Variants in SLC8A1 observed in about 807,000 individuals in gnomAD.
SLC8A1 encodes the protein solute carrier family 8 member A1, also known as sodium/calcium exchanger 1.
In SLC8A1, 18 loss-of-function variants were observed where a neutral mutation model predicts 68.3. The observed-to-expected ratio is 0.26, with a 90% CI of 0.18 to 0.39. The LOEUF (loss-of-function observed/expected upper bound fraction) is 0.39, where lower values mean the gene tolerates loss of function less well. Ranked by LOEUF, SLC8A1 falls within the 10% of genes least tolerant of loss-of-function variation. The pLI is 1.00. For missense variants in SLC8A1, 985 were observed against 1,156.7 expected (o/e 0.85, Z 2.15); for synonymous variants, 475 against 415.5 (o/e 1.14, Z -1.74).
chr2:40,419,764 T>C (rs984606067), intron 2 of SLC8A1, among the ~76,000 whole-genome samples: 6 of 152,296 alleles, frequency 3.9e-5, no homozygotes, highest in African/African-American at 1.4e-4. Flanking sequence ...TAGGACTTAA[T>C]TTTGCGTTCC....
chr2:40,362,167 T>C (rs891472762), intron 2 of SLC8A1, among the ~76,000 whole-genome samples: 10 of 151,968 alleles, frequency 6.6e-5, no homozygotes, highest in Non-Finnish European at 1.5e-4. Flanking sequence ...AGTGCTGGGA[T>C]TACAGTAATG....
At position 40,368,949 on chromosome 2, in the gene SLC8A1, ACTC is replaced by A. The variant is rs1677122563; in HGVS notation, c.1808+59521_1808+59523del. Among the ~76,000 whole-genome samples the A allele has an allele frequency of 1.7e-4, 3 of 17,974 alleles. No individual in the cohort carries two copies. In the African/African-American group the frequency reaches 2.7e-3, roughly 16 times the overall value. 11.8% of individuals were successfully genotyped at this position (17,974 alleles called of 152,430 possible). A position where few individuals can be genotyped will look rare whatever the true frequency, so the allele number is the denominator to read the frequency against. On this transcript the variant is annotated intron_variant, in intron 2 of 7. Transcript: ENST00000406785. Reference sequence around the variant, plus strand: ...AACAGCAGTGAGAAAATAATTCCTTACTCAATCAATTGTGCTGGGATAACTGGC... The same window carrying A: ...AACAGCAGTGAGAAAATAATTCCTTAAATCAATTGTGCTGGGATAACTGGC...
intron 2 of SLC8A1, among the ~76,000 whole-genome samples, chr2:40,204,756 C>T (rs1262588577): frequency 6.6e-6 from 1 of 151,866 alleles, no homozygotes; most frequent in Non-Finnish European, 1.5e-5. Context: ...TCAATATATC[C>T]AACATATCAT....
exon 8 of SLC8A1, chr2:40,098,878 A>T (rs2033728667): frequency 6.6e-6 from 1 of 152,050 alleles, no homozygotes; most frequent in Non-Finnish European, 1.5e-5. Flanking sequence ...CATTTTACAG[A>T]TCATTAAACA....
intron 2 of SLC8A1, among the ~76,000 whole-genome samples, chr2:40,259,529 G>T (rs536040863): frequency 6.6e-6 from 1 of 152,098 alleles, no homozygotes; most frequent in African/African-American, 2.4e-5. Context: ...TGCCCAGGCT[G>T]GAGCACAGTG....
intron 2 of SLC8A1, among the ~76,000 whole-genome samples, chr2:40,331,292 G>C (rs75882171): frequency 7.6e-4 from 115 of 152,294 alleles, no homozygotes; most frequent in Admixed American, 1.2e-3. Context: ...AGGCTAGAAA[G>C]TGAAAAGTCT....
intron 2 of SLC8A1, among the ~76,000 whole-genome samples, chr2:40,372,296 G>A (rs759875459): frequency 2.6e-4 from 40 of 152,098 alleles, no homozygotes; most frequent in Non-Finnish European, 1.8e-4. Context: ...CCCAGTTGCT[G>A]TGTCTCTTAA....
intron 2 of SLC8A1, among the ~76,000 whole-genome samples, chr2:40,373,963 G>A (rs560355824): frequency 1.2e-4 from 19 of 152,196 alleles, no homozygotes; most frequent in African/African-American, 4.3e-4. Flanking sequence ...ATAAATTCAC[G>A]TGCTCTTCTC....
At chr2:40,280,539 A>G (rs1484937048) in intron 2 of SLC8A1, among the ~76,000 whole-genome samples, 1 of 152,224 alleles carries the variant, frequency 6.6e-6, no homozygotes, top group African/African-American at 2.4e-5. Flanking sequence ...CAATACCATC[A>G]TGCTAAATTA....
At chr2:40,221,892 A>G (rs2058375374) in intron 2 of SLC8A1, among the ~76,000 whole-genome samples, 1 of 152,232 alleles carries the variant, frequency 6.6e-6, no homozygotes, top group South Asian at 2.1e-4. Flanking sequence ...ATGGAAAAGC[A>G]TTCCATGCTC....
intron 2 of SLC8A1, among the ~76,000 whole-genome samples, chr2:40,347,052 A>C (rs1163274362): frequency 6.6e-6 from 1 of 152,192 alleles, no homozygotes; most frequent in Non-Finnish European, 1.5e-5. Context: ...CTTCCATAGC[A>C]CCAAGGCAAT....
intron 2 of SLC8A1, among the ~76,000 whole-genome samples, chr2:40,266,394 A>G (rs374189495): frequency 5.3e-5 from 8 of 152,244 alleles, no homozygotes; most frequent in Admixed American, 2.0e-4. Flanking sequence ...ATAATTTGAT[A>G]AGGACAGGTA....
intron 2 of SLC8A1, among the ~76,000 whole-genome samples, chr2:40,282,322 A>T (rs970522379): frequency 2.0e-5 from 3 of 152,182 alleles, no homozygotes; most frequent in Non-Finnish European, 4.4e-5. Flanking sequence ...CACAAAACAC[A>T]ATAAAAAGAA....
chr2:40,460,177 G>A (rs1042012531), intron 1 of SLC8A1, among the ~76,000 whole-genome samples: 1 of 152,138 alleles, frequency 6.6e-6, no homozygotes, highest in Non-Finnish European at 1.5e-5. Flanking sequence ...TATGAATTAT[G>A]TATCTCATGG....
chr2:40,372,653 T>G (rs548128919), intron 2 of SLC8A1, among the ~76,000 whole-genome samples: 1 of 152,286 alleles, frequency 6.6e-6, no homozygotes, highest in South Asian at 2.1e-4. Flanking sequence ...TTGAAAGTAT[T>G]CAACTATTCT....
intron 2 of SLC8A1, among the ~76,000 whole-genome samples, chr2:40,420,459 A>G (rs918675217): frequency 6.6e-6 from 1 of 152,208 alleles, no homozygotes; most frequent in Non-Finnish European, 1.5e-5. Context: ...ACAGCGCCAA[A>G]GCAGGCAATG....
chr2:40,366,830 G>T (rs747012112), intron 2 of SLC8A1, among the ~76,000 whole-genome samples: 1 of 151,550 alleles, frequency 6.6e-6, no homozygotes, highest in African/African-American at 2.4e-5. Context: ...ACATTTTATG[G>T]ATATTTTGCC....
chr2:40,340,143 C>T (rs190147992), intron 2 of SLC8A1, among the ~76,000 whole-genome samples: 3 of 152,290 alleles, frequency 2.0e-5, no homozygotes, highest in East Asian at 3.9e-4. Flanking sequence ...ATTGCATGCT[C>T]TTTGGAGATC....
intron 2 of SLC8A1, among the ~76,000 whole-genome samples, chr2:40,379,643 C>T (rs1176274839): frequency 6.7e-6 from 1 of 149,466 alleles, no homozygotes; most frequent in African/African-American, 2.5e-5. Flanking sequence ...CATGATTTTG[C>T]CTTTTTTTTT....
Sources: allele counts gnomAD v4.1 joint callset (sites outside exome capture counted in the v4.1 genomes callset), GRCh38; gene constraint gnomAD v4.1.1; transcripts MANE v1.5; gene names NCBI Gene and HGNC (gene_info 2026-07-23, HGNC 2026-07-21).